Variants in CCDC91 observed in about 807,000 individuals in gnomAD.
The protein encoded by CCDC91 is coiled-coil domain-containing protein 91.
CCDC91 carries 48 observed loss-of-function variants against 63.2 expected under a neutral mutation model. The ratio of observed to expected loss-of-function variants is 0.76; its 90% CI spans 0.60 to 0.97. The LOEUF (loss-of-function observed/expected upper bound fraction) is 0.97, where lower values mean the gene tolerates loss of function less well. CCDC91 is among the 50% of genes least tolerant of loss of function. The pLI is 0.00. For missense variants in CCDC91, 500 were observed against 494.6 expected, an observed-to-expected ratio of 1.01 and a Z score of -0.10; for synonymous variants, 167 against 165.8, an observed-to-expected ratio of 1.01 and a Z score of -0.06.
intron 3 of CCDC91, among the ~76,000 whole-genome samples, chr12:28,259,684 C>A (rs7969458): frequency 0.91 from 138,953 of 151,874 alleles, 64,712 homozygotes; most frequent in East Asian, 1. Context: ...TGAAATTAAA[C>A]TACAATTTAC....
At chr12:28,290,598 G>C (rs1341725576) in intron 3 of CCDC91, among the ~76,000 whole-genome samples, 1 of 152,170 alleles carries the variant, frequency 6.6e-6, no homozygotes, top group Admixed American at 6.5e-5. Context: ...CTTTATAATA[G>C]TGTCACTGGT....
rs564855482 is a variant in CCDC91, at chr12:28,305,857, T to C, written c.267+51T>C. 3.5e-5 allele frequency: 51 copies of C among 1,450,816 alleles called. No homozygotes were observed. The Middle Eastern group carries it at 9.0e-4, about 26-fold the overall frequency. 89.9% of individuals were successfully genotyped at this position (1,450,816 alleles called of 1,614,324 possible). On this transcript the variant is annotated intron_variant, in intron 4 of 12. Transcript: ENST00000536442. Reference sequence around the variant, plus strand: ...AGGTTTGCATATTTAAAAAATTGCCTGCTAATTTAATTGTTGCTTTTTTAA... The same window carrying C: ...AGGTTTGCATATTTAAAAAATTGCCCGCTAATTTAATTGTTGCTTTTTTAA...
intron 8 of CCDC91, among the ~76,000 whole-genome samples, chr12:28,440,312 T>C (rs1233136672): frequency 6.6e-6 from 1 of 152,210 alleles, no homozygotes. Flanking sequence ...TAAGTAATTA[T>C]TGCCTAATTA....
chr12:28,331,225 AC>A (rs899132963), intron 6 of CCDC91, among the ~76,000 whole-genome samples: 10 of 152,208 alleles, frequency 6.6e-5, no homozygotes, highest in Non-Finnish European at 1.5e-5. Context: ...GCTAAATACT[AC>A]TTTCTAGCCC....
At chr12:28,274,201 T>C (rs1162512757) in intron 3 of CCDC91, among the ~76,000 whole-genome samples, 2 of 152,184 alleles carry the variant, frequency 1.3e-5, no homozygotes, top group Non-Finnish European at 2.9e-5. Context: ...TTGGTCTGTG[T>C]CTCTGTTTTG....
intron 2 of CCDC91, among the ~76,000 whole-genome samples, chr12:28,257,494 A>G (rs1372876679): frequency 6.6e-6 from 1 of 152,098 alleles, no homozygotes; most frequent in Non-Finnish European, 1.5e-5. Flanking sequence ...ATTAAGTGCT[A>G]CCAGTGTAAG....
At chr12:28,532,127 A>G (rs1425893076) in intron 12 of CCDC91, among the ~76,000 whole-genome samples, 1 of 152,152 alleles carries the variant, frequency 6.6e-6, no homozygotes, top group Non-Finnish European at 1.5e-5. Context: ...AGCCTGACTG[A>G]TAAAGAAGAG....
At chr12:28,535,743 G>A (rs186971036) in intron 12 of CCDC91, among the ~76,000 whole-genome samples, 2 of 152,160 alleles carry the variant, frequency 1.3e-5, no homozygotes, top group African/African-American at 4.8e-5. Flanking sequence ...ACATATGTGG[G>A]AAACGGGCCT....
At chr12:28,510,237 A>ATGTGTGTGTGTG (rs60548491) in intron 12 of CCDC91, among the ~76,000 whole-genome samples, 7,734 of 149,096 alleles carry the variant, frequency 0.052, 618 homozygotes, top group African/African-American at 0.17. Context: ...TCAATAGGGC[A>ATGTGTGTGTGTG]TGTGTGTGTG....
chr12:28,416,472 T>C (rs1469774008), intron 8 of CCDC91, among the ~76,000 whole-genome samples: 1 of 152,096 alleles, frequency 6.6e-6, no homozygotes, highest in African/African-American at 2.4e-5. Context: ...GGCTCAACCC[T>C]GAATACAGTA....
chr12:28,323,520 C>T (rs1940711621), intron 6 of CCDC91, among the ~76,000 whole-genome samples: 1 of 151,860 alleles, frequency 6.6e-6, no homozygotes, highest in Non-Finnish European at 1.5e-5. Context: ...GTACCACCTA[C>T]ATTTCTGTTT....
chr12:28,409,781 AT>A lies in CCDC91; in HGVS notation c.762+18378del, dbSNP rs532909404. On this transcript the variant is annotated intron_variant, in intron 8 of 12. Coordinates refer to ENST00000536442, the MANE Select transcript of CCDC91 (RefSeq NM_018318.5). ...AAAATACTTTTAAATTTATCTTTTG[AT>A]TTTTTTTAACCACTAGGTTATTTAG... Among the ~76,000 whole-genome samples, 262 of 151,680 alleles carry A rather than the reference AT, an allele frequency of 1.7e-3. 2 individuals carry two copies. Among genetic ancestry groups the A allele is most frequent in the African/African-American group, 6.1e-3 (253 of 41,386 alleles).
chr12:28,292,484 A>T (rs929764157), intron 3 of CCDC91, among the ~76,000 whole-genome samples: 3 of 152,164 alleles, frequency 2.0e-5, no homozygotes. Context: ...GCTTGAAAAG[A>T]GGAGATAATG....
intron 6 of CCDC91, among the ~76,000 whole-genome samples, chr12:28,313,552 T>A (rs1180712164): frequency 3.3e-5 from 5 of 152,026 alleles, no homozygotes; most frequent in African/African-American, 4.8e-5. Flanking sequence ...AATGGAATGT[T>A]TGTAAAACCT....
chr12:28,290,494 C>T (rs1301949849), intron 3 of CCDC91, among the ~76,000 whole-genome samples: 1 of 152,122 alleles, frequency 6.6e-6, no homozygotes, highest in Non-Finnish European at 1.5e-5. Context: ...AGGCATTTAG[C>T]CCATTTACAT....
intron 1 of CCDC91, among the ~76,000 whole-genome samples, chr12:28,239,878 A>T (rs371170495): frequency 6.6e-6 from 1 of 152,308 alleles, no homozygotes; most frequent in East Asian, 1.9e-4. Flanking sequence ...TGGGGGGATT[A>T]TAGTAAATTG....
intron 11 of CCDC91, among the ~76,000 whole-genome samples, chr12:28,457,377 A>G (rs1379172553): frequency 4.0e-5 from 6 of 151,648 alleles, no homozygotes; most frequent in African/African-American, 1.5e-4. Flanking sequence ...ACAGCACTCA[A>G]ATGTTCTTTT....
intron 8 of CCDC91, among the ~76,000 whole-genome samples, chr12:28,410,508 TTTTG>T (rs148780583): frequency 0.013 from 2,024 of 152,070 alleles, 49 homozygotes; most frequent in African/African-American, 0.045. Flanking sequence ...TGTATGTGTT[TTTTG>T]TTTGTTTGTT....
intron 1 of CCDC91, among the ~76,000 whole-genome samples, chr12:28,252,908 A>G (rs1378396652): frequency 6.6e-6 from 1 of 152,196 alleles, no homozygotes; most frequent in Admixed American, 6.5e-5. Context: ...CTGTTTTAAC[A>G]TATTTAATCC....
Sources: allele counts gnomAD v4.1 joint callset (sites outside exome capture counted in the v4.1 genomes callset), GRCh38; gene constraint gnomAD v4.1.1; transcripts MANE v1.5; gene names NCBI Gene and HGNC (gene_info 2026-07-23, HGNC 2026-07-21).